The following LHX8 variants were observed in gnomAD, a reference collection of about 807,000 sequenced individuals.
LHX8 encodes the protein LIM/homeobox protein Lhx8.
LHX8 carries 12 observed loss-of-function variants against 40.3 expected under a neutral mutation model. The observed-to-expected ratio is 0.30, with a 90% CI of 0.19 to 0.48. The LOEUF (loss-of-function observed/expected upper bound fraction) is 0.48. Among genes scored for constraint, LHX8 ranks in the 20% least tolerant of loss-of-function variants. LHX8 has a pLI of 0.99. For synonymous variants in LHX8, 179 were observed against 162.0 expected (o/e 1.10, Z -0.80); for missense variants, 344 against 433.7 (o/e 0.79, Z 1.84).
At chr1:75,194,352 A>G in the LHX8 span, among the ~76,000 whole-genome samples, 1 of 152,196 alleles carries the variant, frequency 6.6e-6, no homozygotes, top group African/African-American at 2.4e-5. Flanking sequence ...TGTCCACTGC[A>G]GTCTCCTGGG....
the LHX8 span, among the ~76,000 whole-genome samples, chr1:75,192,839 T>A: frequency 6.6e-6 from 1 of 152,006 alleles, no homozygotes; most frequent in Admixed American, 6.6e-5. Context: ...ATTACAGATG[T>A]GCACCATCAC....
chr1:75,168,518 C>T, the LHX8 span, among the ~76,000 whole-genome samples: 1 of 152,202 alleles, frequency 6.6e-6, no homozygotes, highest in African/African-American at 2.4e-5. Flanking sequence ...TGAGCCACTG[C>T]ACCTGGCCTG....
At chr1:75,159,470 G>C (rs1045456874) in intron 8 of LHX8, 2 of 151,898 alleles carry the variant, frequency 1.3e-5, no homozygotes, top group African/African-American at 2.4e-5. Context: ...TATTTTTCTA[G>C]TTCACTAATG....
At chr1:75,147,182 A>G (rs1429505609) in intron 6 of LHX8, among the ~76,000 whole-genome samples, 2 of 152,206 alleles carry the variant, frequency 1.3e-5, no homozygotes, top group Non-Finnish European at 2.9e-5. Flanking sequence ...TTCTGTTTAC[A>G]GTGAGTCTGT....
intron 7 of LHX8, among the ~76,000 whole-genome samples, chr1:75,148,970 T>C (rs1648535368): frequency 6.6e-6 from 1 of 152,228 alleles, no homozygotes; most frequent in Admixed American, 6.5e-5. Context: ...TTTAAGTCTC[T>C]TCACATTCTA....
At chr1:75,178,675 A>G in the LHX8 span, among the ~76,000 whole-genome samples, 1 of 151,968 alleles carries the variant, frequency 6.6e-6, no homozygotes, top group African/African-American at 2.4e-5. Context: ...TATCTCCTTC[A>G]GTTCTGCTCT....
At chr1:75,136,967 C>T (rs1036428577) in intron 2 of LHX8, 133 bp from the exon 3 acceptor site, 15 of 1,053,768 alleles carry the variant, frequency 1.4e-5, no homozygotes, top group Admixed American at 3.0e-5. Context: ...AGAATCGTGA[C>T]CTCAAGAAGC....
the LHX8 span, among the ~76,000 whole-genome samples, chr1:75,166,785 G>A: frequency 1.1e-4 from 16 of 152,108 alleles, no homozygotes; most frequent in African/African-American, 3.9e-4. Context: ...ACTTGCAAAG[G>A]GTCATCAATG....
At chr1:75,161,581 T>C (rs1486696776), downstream of LHX8, 1 of 152,292 alleles carries the variant, frequency 6.6e-6, no homozygotes, top group East Asian at 1.9e-4. Flanking sequence ...GACTTTAGTC[T>C]CTTTAAAATC....
chr1:75,173,374 C>CTTTTTT, the LHX8 span, among the ~76,000 whole-genome samples: 3 of 96,470 alleles, frequency 3.1e-5, no homozygotes, highest in Non-Finnish European at 6.0e-5. Flanking sequence ...GATATATACT[C>CTTTTTT]TTTTTTTTTT....
At chr1:75,190,328 G>A in the LHX8 span, among the ~76,000 whole-genome samples, 6 of 152,140 alleles carry the variant, frequency 3.9e-5, no homozygotes, top group African/African-American at 1.2e-4. Context: ...ATCATGCAGA[G>A]TATTCTTTAA....
chr1:75,138,235 C>G (rs1648208349), intron 3 of LHX8, among the ~76,000 whole-genome samples: 1 of 152,178 alleles, frequency 6.6e-6, no homozygotes, highest in Non-Finnish European at 1.5e-5. Flanking sequence ...CTCTCCTACA[C>G]TGAATTAGTA....
chr1:75,145,220 A>G (rs1253317790), intron 6 of LHX8, among the ~76,000 whole-genome samples: 4 of 152,148 alleles, frequency 2.6e-5, no homozygotes, highest in African/African-American at 7.2e-5. Context: ...TATGAAGATC[A>G]CACAATGCCC....
chr1:75,183,374 G>C, the LHX8 span, among the ~76,000 whole-genome samples: 1 of 152,094 alleles, frequency 6.6e-6, no homozygotes, highest in Non-Finnish European at 1.5e-5. Context: ...AAGGCAGCTA[G>C]AGAGAAAGGG....
At chr1:75,164,434 C>T (rs1236902354), downstream of LHX8, among the ~76,000 whole-genome samples, 2 of 152,034 alleles carry the variant, frequency 1.3e-5, no homozygotes, top group Non-Finnish European at 2.9e-5. Flanking sequence ...TTTGTGGCTA[C>T]CTGCTACCTT....
the LHX8 span, among the ~76,000 whole-genome samples, chr1:75,173,970 C>G: frequency 6.6e-6 from 1 of 151,830 alleles, no homozygotes; most frequent in Non-Finnish European, 1.5e-5. Flanking sequence ...AGGAAATGCT[C>G]TTTGGAGCAT....
chr1:75,165,530 G>T (rs904447138), downstream of LHX8, among the ~76,000 whole-genome samples: 2 of 152,142 alleles, frequency 1.3e-5, no homozygotes, highest in Non-Finnish European at 2.9e-5. Flanking sequence ...AGGGGGCTGA[G>T]AGTGGAGTTT....
rs752685735 is a variant in LHX8, at chr1:75,143,808, G to A, written c.581-37G>A. The A allele has an allele frequency of 5.4e-6, 8 of 1,482,568 alleles. No homozygotes were observed. In the African/African-American group the frequency reaches 9.7e-5, roughly 18 times the overall value. The allele number at this position is 1,482,568 out of a possible 1,614,324, so 91.8% of individuals were successfully genotyped here. The stretch of plus-strand genomic sequence containing the variant: ...TATTGTAAGATGGGTGTACCCATTT[G>A]AATTACCAACATATATAGTGTGTTT... On this transcript the variant is annotated intron_variant, in intron 5 of 8. Coordinates refer to ENST00000356261, the MANE Select transcript of LHX8 (RefSeq NM_001256114.2).
upstream of LHX8, among the ~76,000 whole-genome samples, chr1:75,134,044 C>T (rs1648043672): frequency 6.6e-6 from 1 of 151,996 alleles, no homozygotes; most frequent in Non-Finnish European, 1.5e-5. Context: ...CTCCACTTCC[C>T]CTTCTGCTTG....
Sources: gnomAD v4.1 joint callset for allele counts (sites outside exome capture counted in the v4.1 genomes callset) on GRCh38, gnomAD v4.1.1 for gene constraint, MANE v1.5 for transcripts, NCBI Gene and HGNC (gene_info 2026-07-23, HGNC 2026-07-21) for gene names.